The following KDM4C variants were observed in gnomAD, a reference collection of about 807,000 sequenced individuals.
KDM4C encodes lysine demethylase 4C.
KDM4C carries 81 observed loss-of-function variants against 129.3 expected under a neutral mutation model. The observed-to-expected ratio is 0.63, with a 90% CI of 0.52 to 0.75. KDM4C has a LOEUF of 0.75. Among genes scored for constraint, KDM4C ranks in the 30% least tolerant of loss-of-function variants. The pLI is 0.00. For synonymous variants in KDM4C, 573 were observed against 456.1 expected (o/e 1.26, Z -3.26); for missense variants, 1,457 against 1,304.0 (o/e 1.12, Z -1.81).
chr9:7,108,570 C>G (rs1837965152), intron 18 of KDM4C, among the ~76,000 whole-genome samples: 2 of 152,156 alleles, frequency 1.3e-5, no homozygotes, highest in South Asian at 4.1e-4. Context: ...GTCTTTAGGC[C>G]AGCTCCCAGG....
chr9:7,094,792 A>T lies in KDM4C; in HGVS notation c.2425-8893A>T, dbSNP rs78873424. ...GGAGACACAGTGTGTGGGTATTTCA[A>T]CTCAATCATAAATTTCCTCAATGTG... On this transcript the variant is annotated intron_variant, in intron 17 of 21. Transcript: ENST00000381309. Among the ~76,000 whole-genome samples, 1,129 of 152,260 alleles carry T rather than the reference A, an allele frequency of 7.4e-3. 19 individuals are homozygous for T. Among genetic ancestry groups the T allele is most frequent in the African/African-American group, 0.026 (1,078 of 41,536 alleles).
upstream of KDM4C, among the ~76,000 whole-genome samples, chr9:6,753,760 G>A (rs114586449): frequency 3.4e-3 from 519 of 152,140 alleles, 2 homozygotes; most frequent in African/African-American, 0.012. Flanking sequence ...ATTAATAAGG[G>A]CAGAGCCCTC....
At chr9:6,816,865 T>G (rs1444199669) in intron 4 of KDM4C, among the ~76,000 whole-genome samples, 1 of 151,996 alleles carries the variant, frequency 6.6e-6, no homozygotes. Flanking sequence ...TTTTTTGGCT[T>G]AAGTTCCCTT....
At chr9:6,838,390 T>A (rs993686496) in intron 4 of KDM4C, among the ~76,000 whole-genome samples, 2 of 152,184 alleles carry the variant, frequency 1.3e-5, no homozygotes, top group Non-Finnish European at 2.9e-5. Flanking sequence ...GGAATAATTC[T>A]GGATCTAAAT....
intron 5 of KDM4C, among the ~76,000 whole-genome samples, chr9:6,877,782 C>A (rs1235656367): frequency 6.6e-6 from 1 of 152,094 alleles, no homozygotes; most frequent in African/African-American, 2.4e-5. Context: ...TTTCCTAGTT[C>A]CTTTGTTATG....
chr9:6,825,383 G>T (rs547905525), intron 4 of KDM4C, among the ~76,000 whole-genome samples: 3 of 152,112 alleles, frequency 2.0e-5, no homozygotes, highest in Non-Finnish European at 4.4e-5. Flanking sequence ...CAACTGCTTC[G>T]GTAAGATACA....
At chr9:6,960,780 C>G (rs1436332105) in intron 8 of KDM4C, among the ~76,000 whole-genome samples, 2 of 152,168 alleles carry the variant, frequency 1.3e-5, no homozygotes, top group African/African-American at 4.8e-5. Context: ...ACATTCTCAG[C>G]TTCAGCAATA....
chr9:6,884,439 T>A (rs185585293), intron 6 of KDM4C, among the ~76,000 whole-genome samples: 2 of 152,324 alleles, frequency 1.3e-5, no homozygotes. Context: ...CTGAACCAAT[T>A]TTCTATACCT....
intron 6 of KDM4C, among the ~76,000 whole-genome samples, chr9:6,885,036 C>A (rs376390006): frequency 6.4e-4 from 97 of 152,248 alleles, no homozygotes; most frequent in Non-Finnish European, 1.1e-3. Context: ...CAGTAAAATT[C>A]ACTTATTTTA....
chr9:7,081,683 A>G (rs780768634), intron 17 of KDM4C, among the ~76,000 whole-genome samples: 11 of 152,226 alleles, frequency 7.2e-5, no homozygotes, highest in Non-Finnish European at 1.6e-4. Flanking sequence ...TACAGGGATA[A>G]TGGGGAAATC....
At chr9:7,107,706 G>A (rs1001479115) in intron 18 of KDM4C, among the ~76,000 whole-genome samples, 4 of 152,150 alleles carry the variant, frequency 2.6e-5, no homozygotes, top group Admixed American at 1.3e-4. Flanking sequence ...CTTAGAAGTC[G>A]TGGCTGTTAA....
rs370867822 is a variant in KDM4C, at chr9:6,986,674, G to A, written c.1677+8G>A. The A allele has an allele frequency of 3.4e-5, 54 of 1,577,966 alleles. No individual in the cohort carries two copies. The highest frequency in any genetic ancestry group is 4.7e-5 in the Non-Finnish European group (54 of 1,158,188). On this transcript the variant is annotated splice_region_variant and intron_variant, in intron 11 of 21. Transcript: ENST00000381309. ...AGCTTCAAAGTCCCCAGTGTATGTG[G>A]CAATATCCATTTTTTACCATATTCA...
intron 4 of KDM4C, among the ~76,000 whole-genome samples, chr9:6,822,036 A>G (rs1245835941): frequency 6.6e-6 from 1 of 152,218 alleles, no homozygotes. Flanking sequence ...ACAGTAACAC[A>G]ACTTAAGCAA....
chr9:6,980,914 T>G lies in KDM4C; in HGVS notation c.922-11T>G. On this transcript the variant is annotated splice_polypyrimidine_tract_variant and intron_variant, in intron 8 of 21. Transcript: ENST00000381309. Reference sequence around the variant, plus strand: ...AAACGTTTAACACTCTCCAACCCGGTTGTGTTTCAGTGCACTTGCAGGAAA... The same window carrying G: ...AAACGTTTAACACTCTCCAACCCGGGTGTGTTTCAGTGCACTTGCAGGAAA... 6.2e-7 allele frequency: 1 copy of G among 1,613,000 alleles called. No individual in the cohort carries two copies. The highest frequency in any genetic ancestry group is 8.5e-7 in the Non-Finnish European group (1 of 1,179,290).
chr9:6,724,699 T>C (rs1444645626), intron 1 of KDM4C, among the ~76,000 whole-genome samples: 1 of 151,900 alleles, frequency 6.6e-6, no homozygotes, highest in Non-Finnish European at 1.5e-5. Context: ...CCCAGCTAAT[T>C]TTTGTATTTT....
chr9:6,990,339 GT>G, intron 11 of KDM4C, 76 bp from the exon 12 acceptor site: 1 of 937,804 alleles, frequency 1.1e-6, no homozygotes, highest in Non-Finnish European at 1.7e-6. Context: ...ATAAATAATT[GT>G]GAACTGTAGG....
Position 6,820,144 on chromosome 9 carries a change from C to T in KDM4C, c.435+5399C>T, listed in dbSNP as rs141091721. ...TCATAGACTTTGTGGGGTGGAGGGACAGTTGGTGCAGTGGGCTTGACTCTT... is the reference window on the plus strand; with the variant it reads ...TCATAGACTTTGTGGGGTGGAGGGATAGTTGGTGCAGTGGGCTTGACTCTT... On this transcript the variant is annotated intron_variant, in intron 4 of 21. Coordinates refer to ENST00000381309, the MANE Select transcript of KDM4C (RefSeq NM_015061.6). Among the ~76,000 whole-genome samples the T allele has an allele frequency of 8.7e-3, 1,321 of 152,202 alleles. 12 individuals carry two copies. The highest frequency in any genetic ancestry group is 0.026 in the African/African-American group (1,091 of 41,522).
At chr9:7,102,210 G>C (rs562457389) in intron 17 of KDM4C, among the ~76,000 whole-genome samples, 6 of 151,090 alleles carry the variant, frequency 4.0e-5, no homozygotes, top group African/African-American at 1.5e-4. Context: ...AATCACATAA[G>C]TACCTAATGT....
At chr9:7,136,916 T>G (rs1841269024) in intron 19 of KDM4C, among the ~76,000 whole-genome samples, 1 of 152,258 alleles carries the variant, frequency 6.6e-6, no homozygotes. Context: ...AAAGAATATT[T>G]TTTCCTCAGA....
Sources: allele counts gnomAD v4.1 joint callset (sites outside exome capture counted in the v4.1 genomes callset), GRCh38; gene constraint gnomAD v4.1.1; transcripts MANE v1.5; gene names NCBI Gene and HGNC (gene_info 2026-07-23, HGNC 2026-07-21).